CSMD1: variants seen among roughly 807,000 people sequenced by gnomAD.
CSMD1 encodes the protein CUB and sushi domain-containing protein 1.
CSMD1 carries 213 observed loss-of-function variants against 417.5 expected under a neutral mutation model. The ratio of observed to expected loss-of-function variants is 0.51; its 90% CI spans 0.46 to 0.57. The LOEUF is 0.57. CSMD1 is among the 20% of genes least tolerant of loss of function. CSMD1 has a pLI of 0.00. For missense variants in CSMD1, 6,923 were observed against 4,529.7 expected (o/e 1.53, Z -15.17); for synonymous variants, 2,862 against 1,736.8 (o/e 1.65, Z -16.11).
At chr8:4,620,933 T>C (rs1345591391) in intron 2 of CSMD1, among the ~76,000 whole-genome samples, 1 of 151,800 alleles carries the variant, frequency 6.6e-6, no homozygotes, top group African/African-American at 2.4e-5. Flanking sequence ...AATAATAAAT[T>C]AAAATGTGGT....
chr8:3,978,846 T>C (rs1318049765), intron 5 of CSMD1, among the ~76,000 whole-genome samples: 1 of 152,172 alleles, frequency 6.6e-6, no homozygotes, highest in Non-Finnish European at 1.5e-5. Flanking sequence ...TCTTGATCCC[T>C]TCCCAGCGCT....
intron 1 of CSMD1, among the ~76,000 whole-genome samples, chr8:4,789,558 T>C (rs180702407): frequency 6.6e-6 from 1 of 152,258 alleles, no homozygotes; most frequent in African/African-American, 2.4e-5. Flanking sequence ...CACCAAAGCT[T>C]TTGTTCACAA....
At chr8:3,938,780 G>A (rs183762914) in intron 5 of CSMD1, among the ~76,000 whole-genome samples, 6 of 152,214 alleles carry the variant, frequency 3.9e-5, no homozygotes, top group African/African-American at 9.6e-5. Flanking sequence ...AATGTGACAC[G>A]TCAGATGAAT....
At chr8:4,166,952 G>C (rs1347370777) in intron 3 of CSMD1, among the ~76,000 whole-genome samples, 2 of 152,184 alleles carry the variant, frequency 1.3e-5, no homozygotes, top group Non-Finnish European at 2.9e-5. Context: ...CACCATGTCA[G>C]ACAGCACATG....
chr8:3,897,259 T>A (rs776270648), intron 5 of CSMD1, among the ~76,000 whole-genome samples: 3 of 152,304 alleles, frequency 2.0e-5, no homozygotes, highest in African/African-American at 7.2e-5. Flanking sequence ...ACAACGGTCA[T>A]AGTGTGACTA....
chr8:3,406,164 C>T lies in CSMD1; in HGVS notation c.2129G>A (p.Gly710Asp), dbSNP rs768528927. Reference protein sequence around the residue: ...PGIPINGRRFGDRFLLGSSVS... With the variant: ...PGIPINGRRFDDRFLLGSSVS... The stretch of plus-strand genomic sequence containing the variant: ...CGAGCTCCCGAGTAGAAACCTGTCA[C>T]CAAAACGTCGTCCGTTTATAGGAAT... The change falls in exon 15 of 70, where the codon GGT (glycine) becomes GAT (aspartate). Residue 710 changes from glycine to aspartate, a missense_variant. Gly to Asp is a moderately conservative substitution (Grantham distance 94). Transcript: ENST00000635120. 6 of 1,613,098 alleles carry T rather than the reference C, an allele frequency of 3.7e-6. No individual in the cohort carries two copies. Among genetic ancestry groups the T allele is most frequent in the Non-Finnish European group, 5.1e-6 (6 of 1,179,596 alleles).
intron 59 of CSMD1, among the ~76,000 whole-genome samples, chr8:2,964,180 C>A (rs1803744758): frequency 6.6e-6 from 1 of 152,190 alleles, no homozygotes; most frequent in Admixed American, 6.5e-5. Context: ...TAGCAGAAGG[C>A]ACTACAAAAG....
intron 2 of CSMD1, among the ~76,000 whole-genome samples, chr8:4,508,887 A>G (rs1339399917): frequency 6.6e-6 from 1 of 152,086 alleles, no homozygotes; most frequent in African/African-American, 2.4e-5. Flanking sequence ...ATTTCTTCCT[A>G]GAGGAAAATG....
At chr8:3,923,317 T>G (rs1268700205) in intron 5 of CSMD1, among the ~76,000 whole-genome samples, 4 of 152,334 alleles carry the variant, frequency 2.6e-5, no homozygotes, top group African/African-American at 7.2e-5. Flanking sequence ...AGTTTATGTA[T>G]GTATATATAC....
chr8:3,625,653 A>G (rs1281548805), intron 7 of CSMD1, among the ~76,000 whole-genome samples: 3 of 151,374 alleles, frequency 2.0e-5, no homozygotes, highest in Non-Finnish European at 4.4e-5. Flanking sequence ...ATGATACACT[A>G]AAAAAAATAA....
At chr8:3,042,344 G>C (rs1365045885) in intron 50 of CSMD1, among the ~76,000 whole-genome samples, 1 of 152,082 alleles carries the variant, frequency 6.6e-6, no homozygotes, top group Non-Finnish European at 1.5e-5. Flanking sequence ...CAAGCAGGTA[G>C]CAAACAGCCT....
intron 47 of CSMD1, among the ~76,000 whole-genome samples, chr8:3,095,894 G>C (rs1384522388): frequency 6.6e-6 from 1 of 152,036 alleles, no homozygotes; most frequent in Non-Finnish European, 1.5e-5. Context: ...AAAATCATAA[G>C]ACTATTGTTG....
chr8:3,810,460 C>T (rs1291803748), intron 5 of CSMD1, among the ~76,000 whole-genome samples: 12 of 152,074 alleles, frequency 7.9e-5, no homozygotes, highest in African/African-American at 2.9e-4. Context: ...AGGACCTGGG[C>T]ACACTGCAGA....
At chr8:3,949,254 T>A (rs886808525) in intron 5 of CSMD1, among the ~76,000 whole-genome samples, 2 of 152,174 alleles carry the variant, frequency 1.3e-5, no homozygotes, top group Admixed American at 1.3e-4. Flanking sequence ...TACAATATAA[T>A]GTTATCAACT....
intron 1 of CSMD1, among the ~76,000 whole-genome samples, chr8:4,820,714 T>G (rs986074783): frequency 3.9e-5 from 6 of 152,314 alleles, no homozygotes; most frequent in African/African-American, 1.2e-4. Context: ...GCATAGCTCA[T>G]GGACTAATAA....
chr8:4,809,117 T>C (rs1404869645), intron 1 of CSMD1, among the ~76,000 whole-genome samples: 1 of 152,134 alleles, frequency 6.6e-6, no homozygotes, highest in African/African-American at 2.4e-5. Context: ...TTATTACCAA[T>C]AAAAGGAGCC....
At chr8:3,056,688 G>C (rs1369736518) in intron 49 of CSMD1, among the ~76,000 whole-genome samples, 1 of 151,962 alleles carries the variant, frequency 6.6e-6, no homozygotes, top group Non-Finnish European at 1.5e-5. Context: ...GATTTCTGAG[G>C]ATTTTTAAGT....
At chr8:3,984,264 G>C (rs1236050625) in intron 5 of CSMD1, among the ~76,000 whole-genome samples, 3 of 152,166 alleles carry the variant, frequency 2.0e-5, no homozygotes, top group Non-Finnish European at 4.4e-5. Context: ...AACTTCAAAT[G>C]TCACATTGAT....
intron 4 of CSMD1, among the ~76,000 whole-genome samples, chr8:3,999,625 T>C (rs1423658324): frequency 2.0e-5 from 3 of 152,158 alleles, no homozygotes; most frequent in Admixed American, 1.3e-4. Flanking sequence ...TTCCCGGAGT[T>C]TGGAGTATTG....
Sources: gnomAD v4.1 joint callset for allele counts (sites outside exome capture counted in the v4.1 genomes callset) on GRCh38, gnomAD v4.1.1 for gene constraint, MANE v1.5 for transcripts, NCBI Gene and HGNC (gene_info 2026-07-23, HGNC 2026-07-21) for gene names.